The following TSPEAR variants were observed in gnomAD, a reference collection of about 807,000 sequenced individuals.
TSPEAR encodes the protein thrombospondin type laminin G domain and EAR repeats, also known as thrombospondin-type laminin G domain and EAR repeat-containing protein.
Under a neutral mutation model 71.6 loss-of-function variants are expected in TSPEAR, and 69 were observed. The ratio of observed to expected loss-of-function variants is 0.96; its 90% CI spans 0.79 to 1.18. The LOEUF (loss-of-function observed/expected upper bound fraction) is 1.18. Among genes scored for constraint, TSPEAR ranks in the 50% most tolerant of loss-of-function variants. The pLI is 0.00. For synonymous variants in TSPEAR, 402 were observed against 387.2 expected (o/e 1.04, Z -0.45); for missense variants, 971 against 894.9 (o/e 1.09, Z -1.09).
At chr21:44,551,703 G>T (rs1304656295) in intron 2 of TSPEAR, among the ~76,000 whole-genome samples, 3 of 152,100 alleles carry the variant, frequency 2.0e-5, no homozygotes, top group Admixed American at 1.3e-4. Context: ...CCTAACACTC[G>T]GCTGGTCCTG....
chr21:44,597,588 A>G (rs782459339), intron 1 of TSPEAR, among the ~76,000 whole-genome samples: 6 of 151,976 alleles, frequency 3.9e-5, no homozygotes, highest in Non-Finnish European at 5.9e-5. Context: ...GCCCACCACC[A>G]TGCCCGGCTA....
chr21:44,591,864 T>TGAAGAATCCCCACAGCA (rs1601457339), intron 1 of TSPEAR: 1 of 1,568,968 alleles, frequency 6.4e-7, no homozygotes, highest in African/African-American at 1.6e-5. Flanking sequence ...GCTGGCAGCA[T>TGAAGAATCCCCACAGCA]GAGGGTGTGC....
chr21:44,641,299 G>T (rs1465372405), intron 1 of TSPEAR, among the ~76,000 whole-genome samples: 1 of 152,124 alleles, frequency 6.6e-6, no homozygotes, highest in Non-Finnish European at 1.5e-5. Context: ...CCAAAAAGGA[G>T]GAGGAAGAGG....
chr21:44,674,293 G>A (rs1986199682), intron 1 of TSPEAR, among the ~76,000 whole-genome samples: 1 of 145,992 alleles, frequency 6.8e-6, no homozygotes, highest in African/African-American at 2.4e-5. Flanking sequence ...ACAAAAAGTT[G>A]GTCTTTTAAA....
intron 1 of TSPEAR, among the ~76,000 whole-genome samples, chr21:44,590,401 A>G (rs233296): frequency 0.085 from 12,935 of 151,348 alleles, 758 homozygotes; most frequent in East Asian, 0.2. Flanking sequence ...CCAGGACCAC[A>G]GGACCAGGAG....
rs185278269 is a variant in TSPEAR, at chr21:44,619,192, C to T, written c.83-51187G>A. ...CCAACATACAGAGCCCAGCTACAAA[C>T]CCTGAAGAAAAATAAGTTTTTGATT... On this transcript the variant is annotated intron_variant, in intron 1 of 11. Transcript: ENST00000323084. Among the ~76,000 whole-genome samples, 184 of 152,350 alleles carry T rather than the reference C, an allele frequency of 1.2e-3. 1 individual carries two copies. Among genetic ancestry groups the T allele is most frequent in the Non-Finnish European group, 2.4e-3 (164 of 68,046 alleles).
At chr21:44,563,751 G>A (rs992361701) in intron 2 of TSPEAR, among the ~76,000 whole-genome samples, 15 of 152,302 alleles carry the variant, frequency 9.8e-5, no homozygotes, top group African/African-American at 3.4e-4. Flanking sequence ...GTTCCTAGGG[G>A]AAATACAGAG....
intron 1 of TSPEAR, among the ~76,000 whole-genome samples, chr21:44,582,818 CTTTCTTTT>C (rs1979079132): frequency 1.4e-5 from 2 of 139,070 alleles, no homozygotes; most frequent in Non-Finnish European, 1.5e-5. Flanking sequence ...CTTTCTCTTT[CTTTCTTTT>C]CTTCCTTCTT....
chr21:44,573,400 G>A (rs1165289136), intron 1 of TSPEAR, among the ~76,000 whole-genome samples: 1 of 151,906 alleles, frequency 6.6e-6, no homozygotes, highest in Non-Finnish European at 1.5e-5. Flanking sequence ...ACTCCCCATA[G>A]CCCGGCACAC....
chr21:44,548,139 C>T (rs2053331384), intron 2 of TSPEAR, among the ~76,000 whole-genome samples: 1 of 152,218 alleles, frequency 6.6e-6, no homozygotes, highest in South Asian at 2.1e-4. Context: ...TGAAATAAGG[C>T]AAGCCCTGTG....
At chr21:44,650,565 G>C (rs1300726790) in intron 1 of TSPEAR, among the ~76,000 whole-genome samples, 2 of 152,244 alleles carry the variant, frequency 1.3e-5, no homozygotes, top group South Asian at 4.1e-4. Context: ...TCATCCCCCA[G>C]ATGGGGACAG....
At chr21:44,599,170 C>CTCTCTCTCTCTCTCTCTCAA (rs1555928004) in intron 1 of TSPEAR, among the ~76,000 whole-genome samples, 1 of 124,480 alleles carries the variant, frequency 8.0e-6, no homozygotes, top group African/African-American at 3.6e-5. Flanking sequence ...CTCTCTCTCT[C>CTCTCTCTCTCTCTCTCTCAA]TCCTTCCATC....
intron 1 of TSPEAR, among the ~76,000 whole-genome samples, chr21:44,679,863 T>C (rs1555947645): frequency 6.6e-6 from 1 of 152,128 alleles, no homozygotes; most frequent in Admixed American, 6.5e-5. Flanking sequence ...GATCCCTACC[T>C]CTCATCATAT....
intron 1 of TSPEAR, chr21:44,676,198 A>G (rs931490407): frequency 3.7e-5 from 48 of 1,288,228 alleles, no homozygotes; most frequent in Non-Finnish European, 5.2e-5. Context: ...GGTTTAATCA[A>G]TCATTGCTAC....
At chr21:44,619,646 T>C (rs1462949657) in intron 1 of TSPEAR, among the ~76,000 whole-genome samples, 1 of 151,906 alleles carries the variant, frequency 6.6e-6, no homozygotes, top group South Asian at 2.1e-4. Context: ...ATAGAGAATA[T>C]CAATAAAGAG....
At chr21:44,676,082 A>C in intron 1 of TSPEAR, 1 of 877,494 alleles carries the variant, frequency 1.1e-6, no homozygotes, top group South Asian at 1.3e-5. Context: ...CAGTAATTTA[A>C]ACGTGTTTAT....
intron 1 of TSPEAR, chr21:44,602,073 AGCCCT>A (rs1980975874): frequency 2.4e-6 from 1 of 417,758 alleles, no homozygotes; most frequent in East Asian, 4.4e-5. Flanking sequence ...CTCAGTGGCG[AGCCCT>A]GCTCCTCCCC....
chr21:44,538,428 C>T (rs887165831), intron 2 of TSPEAR, among the ~76,000 whole-genome samples: 2 of 126,342 alleles, frequency 1.6e-5, no homozygotes, highest in African/African-American at 3.5e-5. Flanking sequence ...TGCTGCCCCC[C>T]CCCCCCCCAA....
chr21:44,521,383 TGGCTGGAACCAGCCAAGG>T (rs1315968479), intron 9 of TSPEAR, among the ~76,000 whole-genome samples: 10 of 152,212 alleles, frequency 6.6e-5, no homozygotes, highest in African/African-American at 2.4e-4. Context: ...GGTCTCGTGG[TGGCTGGAACCAGCCAAGG>T]GACACTTGAG....
Sources: allele counts gnomAD v4.1 joint callset (sites outside exome capture counted in the v4.1 genomes callset), GRCh38; gene constraint gnomAD v4.1.1; transcripts MANE v1.5; gene names NCBI Gene and HGNC (gene_info 2026-07-23, HGNC 2026-07-21).